PRKAG2: variants seen among roughly 807,000 people sequenced by gnomAD.
PRKAG2 encodes 5'-AMP-activated protein kinase subunit gamma-2.
PRKAG2 carries 26 observed loss-of-function variants against 69.6 expected under a neutral mutation model. The ratio of observed to expected loss-of-function variants is 0.37; its 90% confidence interval spans 0.27 to 0.52. The LOEUF (loss-of-function observed/expected upper bound fraction) is 0.52, where lower values mean the gene tolerates loss of function less well. Among genes scored for constraint, PRKAG2 ranks in the 20% least tolerant of loss-of-function variants. The pLI, the probability that PRKAG2 is intolerant of heterozygous loss-of-function variation, is 0.90. For synonymous variants in PRKAG2, 293 were observed against 285.0 expected (o/e 1.03, Z -0.28); for missense variants, 557 against 740.0 (o/e 0.75, Z 2.87).
At chr7:151,571,982 A>T (rs1194201162) in intron 9 of PRKAG2, among the ~76,000 whole-genome samples, 1 of 152,228 alleles carries the variant, frequency 6.6e-6, no homozygotes, top group African/African-American at 2.4e-5. Context: ...TGTTGCAGAC[A>T]GACTGGGTCT....
chr7:151,706,890 G>A (rs951866576), intron 3 of PRKAG2, among the ~76,000 whole-genome samples: 1 of 152,212 alleles, frequency 6.6e-6, no homozygotes, highest in Non-Finnish European at 1.5e-5. Context: ...GGACTAGATG[G>A]AGTAGGGCAC....
chr7:151,556,275 CA>C lies in PRKAG2; in HGVS notation c.*925del, dbSNP rs2150954195. ...ACATTGTTTCTCTTCAACTGTATGA[CA>C]ATACTGTATATGCCACAATAAAATT... On this transcript the variant is annotated 3_prime_UTR_variant, in exon 16 of 16. Transcript: ENST00000287878. 6.6e-6 allele frequency: 1 copy of C among 152,254 alleles called. No homozygotes were observed. The highest frequency in any genetic ancestry group is 1.9e-4 in the East Asian group (1 of 5,168). 9.4% of individuals were successfully genotyped at this position (152,254 alleles called of 1,614,324 possible).
At chr7:151,746,273 CT>C (rs1398990054) in intron 3 of PRKAG2, among the ~76,000 whole-genome samples, 1 of 152,204 alleles carries the variant, frequency 6.6e-6, no homozygotes, top group Non-Finnish European at 1.5e-5. Context: ...CACGTCACTC[CT>C]TAAGAAGCCC....
Position 151,595,368 on chromosome 7 carries a change from C to T in PRKAG2, c.841G>A (p.Val281Ile), listed in dbSNP as rs1417049573. ...YDIVPTSSKL[V>I]VFDTTLQVKK... Reference sequence around the variant, plus strand: ...ACTTGTAATGTAGTATCAAAGACAACAAGCTTTGAACTGGTTGGAACGATG... The same window carrying T: ...ACTTGTAATGTAGTATCAAAGACAATAAGCTTTGAACTGGTTGGAACGATG... Residue 281 changes from valine (V) to isoleucine (I), a missense_variant, in exon 6 of 16, where the codon GTT (valine) becomes ATT (isoleucine). Around this residue, in one of 2 missense-constraint regions of PRKAG2, gnomAD observed 205 missense variants for 383.4 expected, o/e 0.53. Coordinates refer to ENST00000287878, the MANE Select transcript of PRKAG2 (RefSeq NM_016203.4). 9 of 1,613,164 alleles carry T rather than the reference C, an allele frequency of 5.6e-6. No homozygotes were observed. Among genetic ancestry groups the T allele is most frequent in the Non-Finnish European group, 7.6e-6 (9 of 1,179,254 alleles).
At chr7:151,851,123 T>C (rs930514841) in intron 1 of PRKAG2, among the ~76,000 whole-genome samples, 2 of 151,990 alleles carry the variant, frequency 1.3e-5, no homozygotes. Flanking sequence ...GGTAGGGAAA[T>C]ATCACAAAAC....
At chr7:151,775,157 G>C (rs1342698232) in intron 3 of PRKAG2, among the ~76,000 whole-genome samples, 1 of 152,246 alleles carries the variant, frequency 6.6e-6, no homozygotes, top group Non-Finnish European at 1.5e-5. Context: ...GCCAAGGAGG[G>C]TGGGATGCCA....
At chr7:151,647,986 T>C (rs1827842975) in intron 4 of PRKAG2, among the ~76,000 whole-genome samples, 1 of 152,088 alleles carries the variant, frequency 6.6e-6, no homozygotes, top group African/African-American at 2.4e-5. Flanking sequence ...GGAACAGGGA[T>C]TGAATGGGCC....
intron 3 of PRKAG2, among the ~76,000 whole-genome samples, chr7:151,776,222 G>A (rs1016762915): frequency 6.6e-6 from 1 of 152,128 alleles, no homozygotes; most frequent in Non-Finnish European, 1.5e-5. Flanking sequence ...CCATCCCAGG[G>A]GGCTTCTCTG....
intron 5 of PRKAG2, among the ~76,000 whole-genome samples, chr7:151,606,814 C>T (rs1453114808): frequency 6.6e-6 from 1 of 151,996 alleles, no homozygotes; most frequent in African/African-American, 2.4e-5. Flanking sequence ...AGCAAGACTC[C>T]GTCTCAAAAA....
chr7:151,644,970 C>A (rs1337230911), intron 4 of PRKAG2, among the ~76,000 whole-genome samples: 1 of 152,092 alleles, frequency 6.6e-6, no homozygotes, highest in Non-Finnish European at 1.5e-5. Flanking sequence ...AATGTGTTTT[C>A]TTTTGTGAAG....
At position 151,814,677 on chromosome 7, in the gene PRKAG2, C is replaced by A. The variant is rs908652425; in HGVS notation, c.115-28136G>T. ...GATGGGGACCGGGGCTGGGTGTGTT[C>A]CCAGTCCCCAAGGCAGCGCAACAAG... On this transcript the variant is annotated intron_variant, in intron 1 of 15. Coordinates refer to ENST00000287878, the MANE Select transcript of PRKAG2 (RefSeq NM_016203.4). This position sits in a 1 kb window ranked among gnomAD's most constrained non-coding sequence, Gnocchi z 4.8. 6.7e-5 allele frequency: 82 copies of A among 1,231,686 alleles called. No homozygotes were observed. The highest frequency in any genetic ancestry group is 3.1e-4 in the Middle Eastern group (1 of 3,230). The allele number at this position is 1,231,686 out of a possible 1,614,324, so 76.3% of individuals were successfully genotyped here. A position where few individuals can be genotyped will look rare whatever the true frequency, so the allele number is the denominator to read the frequency against.
At chr7:151,663,639 C>T (rs941032814) in intron 4 of PRKAG2, among the ~76,000 whole-genome samples, 2 of 152,212 alleles carry the variant, frequency 1.3e-5, no homozygotes, top group African/African-American at 2.4e-5. Flanking sequence ...GGATTACAGG[C>T]GTAAGCCACC....
At chr7:151,675,305 CG>C in intron 4 of PRKAG2, 114 bp downstream of exon 4, 1 of 994,488 alleles carries the variant, frequency 1.0e-6, no homozygotes, top group Admixed American at 2.0e-5. Flanking sequence ...CTGAAGATGT[CG>C]GGAGCACACG....
At chr7:151,852,215 C>A (rs1404769230) in intron 1 of PRKAG2, among the ~76,000 whole-genome samples, 1 of 152,152 alleles carries the variant, frequency 6.6e-6, no homozygotes, top group African/African-American at 2.4e-5. Flanking sequence ...AGAATGTAAG[C>A]CCTGGCGGGG....
Position 151,687,234 on chromosome 7 carries a change from GT to G in PRKAG2, c.467-11598del, listed in dbSNP as rs373657811. Among the ~76,000 whole-genome samples the G allele has an allele frequency of 5.3e-4, 81 of 152,314 alleles. 1 individual carries two copies. The Middle Eastern group carries it at 0.017, about 32-fold the overall frequency. ...TCTTCACGCTTGCTTGGAGGTCAGA[GT>G]TCTACATCATGGACCCAAAACGTAA... On this transcript the variant is annotated intron_variant, in intron 3 of 15. Transcript: ENST00000287878.
Position 151,675,486 on chromosome 7 carries a change from C to T in PRKAG2, c.618G>A (p.Pro206=), listed in dbSNP as rs145827515. Residue 206 remains proline, a synonymous_variant, in exon 4 of 16, where the codon CCG becomes CCA. Transcript: ENST00000287878. ...SPPDTGQRFC[P]SSFQSPTRPP... ...GCCTGGTCGGGCTCTGGAAGGAAGA[C>T]GGGCAGAACCTCTGCCCTGTGTCCG... The T allele has an allele frequency of 2.2e-5, 36 of 1,614,080 alleles. No individual in the cohort carries two copies. Among genetic ancestry groups the T allele is most frequent in the African/African-American group, 1.1e-4 (8 of 74,936 alleles).
intron 5 of PRKAG2, among the ~76,000 whole-genome samples, chr7:151,604,523 A>C (rs1277249312): frequency 6.6e-6 from 1 of 152,018 alleles, no homozygotes; most frequent in Non-Finnish European, 1.5e-5. Context: ...CTATGGCCCC[A>C]GCCTACTCAG....
intron 3 of PRKAG2, among the ~76,000 whole-genome samples, chr7:151,752,666 A>T (rs2074783380): frequency 6.6e-6 from 1 of 152,244 alleles, no homozygotes; most frequent in Non-Finnish European, 1.5e-5. Context: ...GGGAGAGAAG[A>T]AAAACCTGTT....
At chr7:151,790,699 T>C (rs1171578880) in intron 1 of PRKAG2, 1 of 152,248 alleles carries the variant, frequency 6.6e-6, no homozygotes, top group Non-Finnish European at 1.5e-5. Context: ...GGGTCTCTTA[T>C]CGCCCATTTT....
Sources: allele counts gnomAD v4.1 joint callset (sites outside exome capture counted in the v4.1 genomes callset), GRCh38; gene constraint gnomAD v4.1.1; regional missense constraint gnomAD v4.1.1; non-coding constraint Gnocchi (gnomAD v3.1); transcripts MANE v1.5; gene names NCBI Gene and HGNC (gene_info 2026-07-23, HGNC 2026-07-21).